Variants in ADI1 observed in about 807,000 individuals in gnomAD.
ADI1 encodes the protein acireductone dioxygenase.
Under a neutral mutation model 18.7 loss-of-function variants are expected in ADI1, and 21 were observed. The observed-to-expected ratio is 1.13, with a 90% CI of 0.80 to 1.62. ADI1 has a LOEUF of 1.62. Among genes scored for constraint, ADI1 ranks in the 40% most tolerant of loss-of-function variants. ADI1 has a pLI of 0.00. For missense variants in ADI1, 245 were observed against 254.9 expected (o/e 0.96, Z 0.26); for synonymous variants, 90 against 100.1 (o/e 0.90, Z 0.60).
chr2:3,505,753 C>T (rs368688564), intron 2 of ADI1, among the ~76,000 whole-genome samples: 7 of 152,252 alleles, frequency 4.6e-5, no homozygotes, highest in African/African-American at 1.7e-4. Context: ...TGGGCTGAAA[C>T]CCTACCCTCT....
intron 2 of ADI1, among the ~76,000 whole-genome samples, chr2:3,507,172 C>A (rs1167368693): frequency 6.6e-6 from 1 of 152,072 alleles, no homozygotes; most frequent in Non-Finnish European, 1.5e-5. Context: ...TGGGGGAGAA[C>A]AAAATAGCCC....
At chr2:3,508,487 G>T (rs1034064935) in intron 2 of ADI1, among the ~76,000 whole-genome samples, 2 of 150,858 alleles carry the variant, frequency 1.3e-5, no homozygotes, top group African/African-American at 4.9e-5. Context: ...AGAAACCATC[G>T]AAATGGATTA....
chr2:3,517,355 C>CT (rs1360955412), intron 1 of ADI1: 21 of 152,194 alleles, frequency 1.4e-4, no homozygotes, highest in African/African-American at 5.1e-4. Flanking sequence ...AGCTCTTATT[C>CT]TATTTTGTAG....
chr2:3,519,289 A>G, intron 1 of ADI1, 79 bp downstream of exon 1: 1 of 1,315,058 alleles, frequency 7.6e-7, no homozygotes, highest in Non-Finnish European at 9.7e-7. Flanking sequence ...GCTGCCCGGC[A>G]CCTGGAGGAG....
intron 2 of ADI1, among the ~76,000 whole-genome samples, chr2:3,512,301 A>G (rs921440842): frequency 6.6e-6 from 1 of 152,262 alleles, no homozygotes; most frequent in Non-Finnish European, 1.5e-5. Flanking sequence ...AGAAATCAGC[A>G]TAACTTCAAA....
At chr2:3,508,389 GA>G (rs1667224369) in intron 2 of ADI1, among the ~76,000 whole-genome samples, 2 of 91,550 alleles carry the variant, frequency 2.2e-5, no homozygotes, top group African/African-American at 7.6e-5. Context: ...ACAACAAATA[GA>G]AAACAGTCCC....
intron 1 of ADI1, chr2:3,514,696 C>A (rs1667361312): frequency 1.4e-6 from 2 of 1,386,678 alleles, no homozygotes; most frequent in African/African-American, 1.5e-5. Flanking sequence ...AAGCACTTCC[C>A]TGATGAAGCT....
At chr2:3,500,042 G>A (rs1260058000) in intron 3 of ADI1, among the ~76,000 whole-genome samples, 8 of 151,222 alleles carry the variant, frequency 5.3e-5, no homozygotes, top group African/African-American at 1.9e-4. Context: ...GCCAGCCTGG[G>A]CGACAAAGTG....
intron 1 of ADI1, among the ~76,000 whole-genome samples, chr2:3,518,152 C>A (rs1223216745): frequency 6.6e-6 from 1 of 152,210 alleles, no homozygotes; most frequent in Non-Finnish European, 1.5e-5. Context: ...AGTGTTAAAC[C>A]TTATCCTAGG....
chr2:3,513,807 G>A, intron 2 of ADI1, 50 bp downstream of exon 2: 1 of 1,546,624 alleles, frequency 6.5e-7, no homozygotes, highest in South Asian at 1.2e-5. Flanking sequence ...GCGTCTATTA[G>A]TAGTGAATAT....
chr2:3,513,019 G>T (rs772625925), intron 2 of ADI1, among the ~76,000 whole-genome samples: 18 of 152,222 alleles, frequency 1.2e-4, no homozygotes, highest in Non-Finnish European at 2.1e-4. Flanking sequence ...TATTATTTTG[G>T]AGCTTTAAGA....
At chr2:3,515,950 T>C in intron 1 of ADI1, 1 of 985,480 alleles carries the variant, frequency 1.0e-6, no homozygotes, top group Non-Finnish European at 1.2e-6. Context: ...TTCTACAAAG[T>C]TGACTCTAAA....
intron 2 of ADI1, among the ~76,000 whole-genome samples, chr2:3,511,280 C>G (rs905141820): frequency 6.8e-6 from 1 of 146,532 alleles, no homozygotes; most frequent in South Asian, 2.2e-4. Context: ...GATGGTGGTG[C>G]CAGGAAGCAG....
chr2:3,504,741 CTGTTCACCTGTGTATGTTTGTACTGTT>C (rs1667134761), intron 2 of ADI1, among the ~76,000 whole-genome samples: 1 of 151,814 alleles, frequency 6.6e-6, no homozygotes, highest in African/African-American at 2.4e-5. Context: ...TTTGTATTGT[CTGTTCACCTGTGTATGTTTGTACTGTT>C]TGTTCACCTG....
intron 1 of ADI1, chr2:3,514,895 A>G (rs1045581876): frequency 1.9e-6 from 3 of 1,540,186 alleles, no homozygotes; most frequent in Non-Finnish European, 2.6e-6. Flanking sequence ...TAAGTTTTGA[A>G]GATTTCACGG....
At chr2:3,509,806 A>G (rs2103209590) in intron 2 of ADI1, among the ~76,000 whole-genome samples, 1 of 151,726 alleles carries the variant, frequency 6.6e-6, no homozygotes. Flanking sequence ...ACCAACCTGA[A>G]CAACCTGGTG....
Position 3,502,653 on chromosome 2 carries a change from T to G in ADI1, c.241-1660A>C, listed in dbSNP as rs1667051234. Among the ~76,000 whole-genome samples the G allele has an allele frequency of 5.9e-5, 9 of 152,142 alleles. No individual in the cohort carries two copies. In the South Asian group the frequency reaches 1.9e-3, roughly 31 times the overall value. On this transcript the variant is annotated intron_variant, in intron 2 of 3. Transcript: ENST00000327435. ...TTAGTAGAGACGGGGTTTCTCCATG[T>G]TGGTCAGGCTGGCCTCGAACTCTCG... is the stretch of plus-strand genomic sequence containing the variant.
chr2:3,500,790 G>A (rs1432425565), intron 3 of ADI1, 24 bp downstream of exon 3: 3 of 1,612,956 alleles, frequency 1.9e-6, no homozygotes, highest in Admixed American at 1.7e-5. Flanking sequence ...GGCCGGGCCT[G>A]GGGAGAAAGC....
chr2:3,507,272 A>C (rs1486695642), intron 2 of ADI1, among the ~76,000 whole-genome samples: 1 of 152,204 alleles, frequency 6.6e-6, no homozygotes, highest in African/African-American at 2.4e-5. Context: ...TATTTGAAAT[A>C]CTGTCCACAA....
Sources: gnomAD v4.1 joint callset for allele counts (sites outside exome capture counted in the v4.1 genomes callset) on GRCh38, gnomAD v4.1.1 for gene constraint, MANE v1.5 for transcripts, NCBI Gene and HGNC (gene_info 2026-07-23, HGNC 2026-07-21) for gene names.